The following PCDHA13 variants were observed in gnomAD, a reference collection of about 807,000 sequenced individuals.
PCDHA13 encodes protocadherin alpha-13.
PCDHA13 carries 54 observed loss-of-function variants against 64.8 expected under a neutral mutation model. The observed-to-expected ratio is 0.83, with a 90% CI of 0.67 to 1.04. PCDHA13 has a LOEUF of 1.04. Among genes scored for constraint, PCDHA13 ranks in the 50% least tolerant of loss-of-function variants. The pLI is 0.00. For missense variants in PCDHA13, 1,248 were observed against 1,254.3 expected, an observed-to-expected ratio of 0.99 and a Z score of 0.08; for synonymous variants, 587 against 564.4, an observed-to-expected ratio of 1.04 and a Z score of -0.57.
intron 1 of PCDHA13, among the ~76,000 whole-genome samples, chr5:140,942,908 G>A (rs187574457): frequency 2.6e-5 from 4 of 151,726 alleles, no homozygotes; most frequent in African/African-American, 9.7e-5. Flanking sequence ...AAGAATAAGC[G>A]TGAAGAAAAA....
intron 1 of PCDHA13, among the ~76,000 whole-genome samples, chr5:140,937,867 G>A (rs1009502911): frequency 7.9e-5 from 12 of 151,142 alleles, no homozygotes; most frequent in African/African-American, 1.2e-4. Flanking sequence ...AGCCGAGATC[G>A]CGCCACTGCA....
At chr5:140,927,470 G>T in intron 1 of PCDHA13, 3 of 1,614,054 alleles carry the variant, frequency 1.9e-6, no homozygotes, top group South Asian at 2.2e-5. Flanking sequence ...GCACTGGATC[G>T]CGAACAGCGC....
At chr5:140,988,043 A>G (rs2153870251) in intron 3 of PCDHA13, among the ~76,000 whole-genome samples, 1 of 152,336 alleles carries the variant, frequency 6.6e-6, no homozygotes, top group Non-Finnish European at 1.5e-5. Context: ...GAATCTGTTT[A>G]GGAGCACTGT....
intron 1 of PCDHA13, among the ~76,000 whole-genome samples, chr5:140,959,041 T>C (rs1291778863): frequency 2.6e-5 from 4 of 152,118 alleles, no homozygotes; most frequent in Non-Finnish European, 5.9e-5. Flanking sequence ...GGTATGTATG[T>C]ATAGGAAAAA....
At chr5:140,996,922 A>T (rs2097752714) in intron 3 of PCDHA13, among the ~76,000 whole-genome samples, 1 of 152,198 alleles carries the variant, frequency 6.6e-6, no homozygotes, top group African/African-American at 2.4e-5. Flanking sequence ...AATATTAAAA[A>T]ATATAGCATT....
chr5:140,997,713 T>C (rs2097782364), intron 3 of PCDHA13, among the ~76,000 whole-genome samples: 1 of 151,942 alleles, frequency 6.6e-6, no homozygotes, highest in African/African-American at 2.4e-5. Flanking sequence ...AACAAACACC[T>C]TTCTACGTCA....
chr5:140,943,131 G>T (rs1360196674), intron 1 of PCDHA13, among the ~76,000 whole-genome samples: 1 of 151,626 alleles, frequency 6.6e-6, no homozygotes, highest in Non-Finnish European at 1.5e-5. Flanking sequence ...GGTAGTGGGT[G>T]CCTGTAGTCC....
At position 140,883,677 on chromosome 5, in the gene PCDHA13, C is replaced by T. The variant is rs112867183; in HGVS notation, c.1409C>T (p.Pro470Leu). 1.2e-6 allele frequency: 2 copies of T among 1,613,726 alleles called. No individual in the cohort carries two copies. Reference sequence around the variant, plus strand: ...GTGTTCGTGAAGGAAAACAATCCGCCGGGCTGCCACATCTTCACGGTGTCT... The same window carrying T: ...GTGTTCGTGAAGGAAAACAATCCGCTGGGCTGCCACATCTTCACGGTGTCT... Reference protein sequence around the residue: ...YTVFVKENNPPGCHIFTVSAQ... With the variant: ...YTVFVKENNPLGCHIFTVSAQ... The change falls in exon 1 of 4, where the codon CCG becomes CTG. Residue 470 changes from proline (P) to leucine (L), a missense_variant. Pro to Leu is a moderately conservative substitution (Grantham distance 98). Transcript: ENST00000289272.
At chr5:140,927,564 G>T (rs868927450) in intron 1 of PCDHA13, 1 of 1,614,150 alleles carries the variant, frequency 6.2e-7, no homozygotes. Context: ...TCATTGTGGT[G>T]GACACAAATG....
In PCDHA13 at chr5:141,011,905, G is replaced by C. The variant is rs1400272126; in HGVS notation, c.*1968G>C. 4 of 153,222 alleles carry C rather than the reference G, an allele frequency of 2.6e-5. No individual in the cohort carries two copies. Among genetic ancestry groups the C allele is most frequent in the African/African-American group, 9.7e-5 (4 of 41,224 alleles). The allele number at this position is 153,222 out of a possible 1,614,324, so 9.5% of individuals were successfully genotyped here. A position where few individuals can be genotyped will look rare whatever the true frequency, so the allele number is the denominator to read the frequency against. ...TTGATTAATTATATTATCTATTTAG[G>C]CATTAATATAAAAGAGGTAGGAGTC... On this transcript the variant is annotated 3_prime_UTR_variant, in exon 4 of 4. Coordinates refer to ENST00000289272, the MANE Select transcript of PCDHA13 (RefSeq NM_018904.3).
chr5:140,926,823 G>A (rs1454618329), intron 1 of PCDHA13: 2 of 1,496,880 alleles, frequency 1.3e-6, no homozygotes, highest in Non-Finnish European at 1.8e-6. Flanking sequence ...TGCTCTCCAG[G>A]AGTCCGGAGC....
At chr5:140,996,650 G>A (rs943173536) in intron 3 of PCDHA13, among the ~76,000 whole-genome samples, 2 of 152,042 alleles carry the variant, frequency 1.3e-5, no homozygotes, top group Non-Finnish European at 2.9e-5. Context: ...GTTAATCCTG[G>A]GTGCAGGCTA....
chr5:140,987,462 A>C (rs2097255249), intron 3 of PCDHA13, among the ~76,000 whole-genome samples: 1 of 152,154 alleles, frequency 6.6e-6, no homozygotes, highest in African/African-American at 2.4e-5. Flanking sequence ...AATTGTTAAG[A>C]GCTCAAGCTT....
intron 3 of PCDHA13, among the ~76,000 whole-genome samples, chr5:141,006,304 C>T (rs528368169): frequency 7.9e-5 from 12 of 152,036 alleles, no homozygotes; most frequent in African/African-American, 2.7e-4. Context: ...CTCCACTTCC[C>T]GGGTTCATGC....
chr5:141,009,874 G>A lies in PCDHA13; in HGVS notation c.2790G>A (p.Lys930=), dbSNP rs1554262519. The A allele has an allele frequency of 6.2e-7, 1 of 1,613,836 alleles. No individual in the cohort carries two copies. Among genetic ancestry groups the A allele is most frequent in the African/African-American group, 1.3e-5 (1 of 74,824 alleles). ...CCAAGAAAAAGAAGAAAAAGAAGAA[G>A]GGTAACAAGACCCAGGAGAAAAAAG... ...EETKKKKKKK[K]GNKTQEKKEK... is the part of the protein sequence containing the mutation. Residue 930 remains lysine, a synonymous_variant, in exon 4 of 4, where the codon AAG becomes AAA. Transcript: ENST00000289272.
chr5:140,883,289 C>T lies in PCDHA13; in HGVS notation c.1021C>T (p.Leu341=). 1.2e-6 allele frequency: 2 copies of T among 1,614,022 alleles called. No individual in the cohort carries two copies. Among genetic ancestry groups the T allele is most frequent in the African/African-American group, 1.3e-5 (1 of 74,968 alleles). ...TCATTGTACCCTTTTGGTGGAAGTA[C>T]TAGATGTAAATGATAACGCCCCAGA... ...AGHCTLLVEV[L]DVNDNAPEVT... Residue 341 remains leucine, a synonymous_variant, in exon 1 of 4, where the codon CTA becomes TTA. Coordinates refer to ENST00000289272, the MANE Select transcript of PCDHA13 (RefSeq NM_018904.3).
intron 1 of PCDHA13, among the ~76,000 whole-genome samples, chr5:140,970,004 G>A (rs1322154107): frequency 6.6e-6 from 1 of 152,200 alleles, no homozygotes; most frequent in Non-Finnish European, 1.5e-5. Context: ...CAGAGGGAGT[G>A]GATGATGGTG....
At chr5:140,932,810 A>G (rs925757508) in intron 1 of PCDHA13, among the ~76,000 whole-genome samples, 1 of 151,958 alleles carries the variant, frequency 6.6e-6, no homozygotes, top group Non-Finnish European at 1.5e-5. Flanking sequence ...CCTTGGAAAC[A>G]TATAAGTGGG....
chr5:140,972,505 T>C (rs2096539361), intron 1 of PCDHA13, among the ~76,000 whole-genome samples: 1 of 152,100 alleles, frequency 6.6e-6, no homozygotes, highest in African/African-American at 2.4e-5. Flanking sequence ...GTTGGTAGAT[T>C]TTACCCCCAG....
Sources: gnomAD v4.1 joint callset for allele counts (sites outside exome capture counted in the v4.1 genomes callset) on GRCh38, gnomAD v4.1.1 for gene constraint, MANE v1.5 for transcripts, NCBI Gene and HGNC (gene_info 2026-07-23, HGNC 2026-07-21) for gene names.